The following USP47 variants were observed in gnomAD, a reference collection of about 807,000 sequenced individuals.
USP47 encodes ubiquitin specific peptidase 47.
USP47 carries 35 observed loss-of-function variants against 165.1 expected under a neutral mutation model. That is an observed-to-expected ratio of 0.21 (90% CI 0.16 to 0.28). The LOEUF (loss-of-function observed/expected upper bound fraction) is 0.28. Ranked by LOEUF, USP47 falls within the 10% of genes least tolerant of loss-of-function variation. The pLI, the probability that USP47 is intolerant of heterozygous loss-of-function variation, is 1.00. For missense variants in USP47, 1,277 were observed against 1,607.4 expected, an observed-to-expected ratio of 0.79 and a Z score of 3.52; for synonymous variants, 531 against 544.5, an observed-to-expected ratio of 0.98 and a Z score of 0.35.
intron 5 of USP47, among the ~76,000 whole-genome samples, chr11:11,899,588 T>C (rs1256618801): frequency 6.6e-6 from 1 of 151,898 alleles, no homozygotes; most frequent in Non-Finnish European, 1.5e-5. Context: ...CAGCTTCAGG[T>C]AGTAGACAGT....
chr11:11,845,663 T>A (rs1848387277), intron 1 of USP47, among the ~76,000 whole-genome samples: 1 of 152,174 alleles, frequency 6.6e-6, no homozygotes, highest in Non-Finnish European at 1.5e-5. Context: ...TCAGTAAATA[T>A]TCGTTGATGT....
chr11:11,940,289 A>AATCCC lies in USP47; in HGVS notation c.2194-138_2194-137insCCCAT. On this transcript the variant is annotated intron_variant, in intron 18 of 27. Coordinates refer to ENST00000527733, the MANE Select transcript of USP47 (RefSeq NM_001282659.2). Reference sequence around the variant, plus strand: ...TAATTTTTCCCTTCAATTATTCAAAAATTTTAAAACCTCTACTAAAATTAT... The same window carrying AATCCC: ...TAATTTTTCCCTTCAATTATTCAAAAATCCCATTTTAAAACCTCTACTAAAATTAT... The AATCCC allele has an allele frequency of 5.8e-6, 5 of 855,042 alleles. No homozygotes were observed. The South Asian group carries it at 1.5e-4, about 26-fold the overall frequency. The allele number at this position is 855,042 out of a possible 1,614,324, so 53.0% of individuals were successfully genotyped here.
chr11:11,936,298 T>C lies in USP47; in HGVS notation c.1870-5T>C, dbSNP rs1476987838. Reference sequence around the variant, plus strand: ...TTTTCTTTCTGGGGGATTACTTTCTTTTAGATGATGGATTTAGAAGAGGTA... The same window carrying C: ...TTTTCTTTCTGGGGGATTACTTTCTCTTAGATGATGGATTTAGAAGAGGTA... On this transcript the variant is annotated splice_region_variant and splice_polypyrimidine_tract_variant and intron_variant, in intron 16 of 27. Transcript: ENST00000527733. 2.0e-6 allele frequency: 3 copies of C among 1,497,008 alleles called. No individual in the cohort carries two copies. Among genetic ancestry groups the C allele is most frequent in the African/African-American group, 1.4e-5 (1 of 72,218 alleles). The allele number at this position is 1,497,008 out of a possible 1,614,324, so 92.7% of individuals were successfully genotyped here. A position where few individuals can be genotyped will look rare whatever the true frequency, so the allele number is the denominator to read the frequency against.
At chr11:11,933,311 C>T (rs765529880) in intron 15 of USP47, among the ~76,000 whole-genome samples, 195 bp downstream of exon 15, 2 of 152,128 alleles carry the variant, frequency 1.3e-5, no homozygotes, top group East Asian at 1.9e-4. Flanking sequence ...CATGTAGTGA[C>T]GGTGCTCAGT....
At chr11:11,911,228 T>A (rs1189406819) in intron 8 of USP47, among the ~76,000 whole-genome samples, 1 of 152,154 alleles carries the variant, frequency 6.6e-6, no homozygotes, top group Non-Finnish European at 1.5e-5. Context: ...CAAGGACTTA[T>A]GGGACTATAA....
chr11:11,920,404 T>G lies in USP47; in HGVS notation c.1128T>G (p.Asp376Glu), dbSNP rs749225992. The change falls in exon 10 of 28, where the codon GAT becomes GAG. Residue 376 changes from aspartate to glutamate, a missense_variant. Asp to Glu is a conservative substitution (Grantham distance 45, BLOSUM62 2). This residue lies in a region of USP47 where 175 missense variants were observed against 295.8 expected (regional missense o/e 0.59). Coordinates refer to ENST00000527733, the MANE Select transcript of USP47 (RefSeq NM_001282659.2). The stretch of plus-strand genomic sequence containing the variant: ...TACAGCTGAAAAGATTCGATTTTGA[T>G]TATACAACCATGCATAGGATTAAAC... ...LTLQLKRFDF[D>E]YTTMHRIKLN... is the part of the protein sequence containing the mutation. 2 of 1,611,924 alleles carry G rather than the reference T, an allele frequency of 1.2e-6. No individual in the cohort carries two copies. Among genetic ancestry groups the G allele is most frequent in the Non-Finnish European group, 1.7e-6 (2 of 1,178,634 alleles).
chr11:11,848,879 G>A (rs1848575629), intron 1 of USP47, among the ~76,000 whole-genome samples: 2 of 152,168 alleles, frequency 1.3e-5, no homozygotes, highest in South Asian at 4.1e-4. Context: ...AAAGTGCTGG[G>A]ATTACAGGCG....
intron 1 of USP47, among the ~76,000 whole-genome samples, chr11:11,859,349 C>T (rs1198270787): frequency 2.6e-5 from 4 of 152,134 alleles, no homozygotes; most frequent in Non-Finnish European, 4.4e-5. Flanking sequence ...TACGTATTGA[C>T]TGGCCTTGTG....
chr11:11,947,396 G>C (rs180885567), intron 20 of USP47, among the ~76,000 whole-genome samples: 1 of 152,176 alleles, frequency 6.6e-6, no homozygotes, highest in Non-Finnish European at 1.5e-5. Flanking sequence ...TTTTTCTAGT[G>C]AAAATCTGAA....
At chr11:11,884,144 A>G (rs1218013442) in intron 2 of USP47, among the ~76,000 whole-genome samples, 1 of 152,134 alleles carries the variant, frequency 6.6e-6, no homozygotes, top group Non-Finnish European at 1.5e-5. Flanking sequence ...CATATATTGT[A>G]TAGAACATGG....
intron 18 of USP47, 87 bp downstream of exon 18, chr11:11,938,459 T>G: frequency 1.1e-6 from 1 of 917,962 alleles, no homozygotes; most frequent in Non-Finnish European, 1.7e-6. Context: ...ATAAGATACA[T>G]GCTTTACCTC....
intron 1 of USP47, among the ~76,000 whole-genome samples, chr11:11,864,486 T>C (rs1449093485): frequency 6.6e-6 from 1 of 152,088 alleles, no homozygotes; most frequent in Non-Finnish European, 1.5e-5. Flanking sequence ...ACAGAACTCT[T>C]TTCATCTTAC....
At chr11:11,887,085 C>T (rs1851209625) in intron 3 of USP47, among the ~76,000 whole-genome samples, 1 of 152,066 alleles carries the variant, frequency 6.6e-6, no homozygotes, top group Non-Finnish European at 1.5e-5. Context: ...GAAGAAAGCA[C>T]TAAATATGGG....
intron 1 of USP47, among the ~76,000 whole-genome samples, chr11:11,866,703 T>G (rs994854971): frequency 1.3e-5 from 2 of 152,204 alleles, no homozygotes; most frequent in African/African-American, 4.8e-5. Context: ...TCTCTGTTTT[T>G]GCATTCCTGA....
chr11:11,861,358 A>T (rs1014650532), intron 1 of USP47, among the ~76,000 whole-genome samples: 1 of 152,130 alleles, frequency 6.6e-6, no homozygotes, highest in Non-Finnish European at 1.5e-5. Flanking sequence ...GGCCTCTGAA[A>T]GTGCTGGGAT....
At chr11:11,932,721 C>T (rs1854763008) in intron 14 of USP47, among the ~76,000 whole-genome samples, 1 of 152,076 alleles carries the variant, frequency 6.6e-6, no homozygotes, top group African/African-American at 2.4e-5. Flanking sequence ...CTTTTTCATT[C>T]TAAAATATTA....
chr11:11,920,488 A>T lies in USP47; in HGVS notation c.1212A>T (p.Glu404Asp). The change falls in exon 10 of 28, where the codon GAA (glutamate) becomes GAT (aspartate). Residue 404 changes from glutamate to aspartate, a missense_variant. Glu to Asp is a conservative substitution (Grantham distance 45). Around this residue, in one of 4 missense-constraint regions of USP47, gnomAD observed 175 missense variants for 295.8 expected, o/e 0.59. Transcript: ENST00000527733. ...ELDMSTFIDV[E>D]DEKSPQTESC... ...ATATGAGTACTTTTATTGATGTTGA[A>T]GATGAGGTAAATATTTGTTATTTTA... The T allele has an allele frequency of 6.2e-7, 1 of 1,601,380 alleles. No homozygotes were observed. The highest frequency in any genetic ancestry group is 8.5e-7 in the Non-Finnish European group (1 of 1,175,318).
At position 11,861,639 on chromosome 11, in the gene USP47, G is replaced by T. The variant is rs542934212; in HGVS notation, c.40-18538G>T. On this transcript the variant is annotated intron_variant, in intron 1 of 27. Coordinates refer to ENST00000527733, the MANE Select transcript of USP47 (RefSeq NM_001282659.2). ...ATTTATTTTCTAATTTTAATATACT[G>T]TGGGGTTCTGGGAGCTTATTTCATG... Among the ~76,000 whole-genome samples the T allele has an allele frequency of 1.9e-4, 29 of 152,238 alleles. No homozygotes were observed. In the East Asian group the frequency reaches 4.2e-3, roughly 22 times the overall value.
At chr11:11,937,851 T>C (rs947912692) in intron 17 of USP47, among the ~76,000 whole-genome samples, 1 of 151,954 alleles carries the variant, frequency 6.6e-6, no homozygotes, top group Non-Finnish European at 1.5e-5. Context: ...TCATTTATTT[T>C]TCAAGTGATT....
Sources: allele counts gnomAD v4.1 joint callset (sites outside exome capture counted in the v4.1 genomes callset), GRCh38; gene constraint gnomAD v4.1.1; regional missense constraint gnomAD v4.1.1; transcripts MANE v1.5; gene names NCBI Gene and HGNC (gene_info 2026-07-23, HGNC 2026-07-21).